MYO3B: variants seen among roughly 807,000 people sequenced by gnomAD.
MYO3B encodes the protein myosin-IIIb.
MYO3B carries 156 observed loss-of-function variants against 174.6 expected under a neutral mutation model. The ratio of observed to expected loss-of-function variants is 0.89; its 90% CI spans 0.78 to 1.02. The LOEUF (loss-of-function observed/expected upper bound fraction) is 1.02. Ranked by LOEUF, MYO3B falls within the 50% of genes least tolerant of loss-of-function variation. MYO3B has a pLI of 0.00. For missense variants in MYO3B, 1,632 were observed against 1,639.4 expected (o/e 1.00, Z 0.08); for synonymous variants, 563 against 569.1 (o/e 0.99, Z 0.15).
At chr2:170,432,722 G>A (rs369899978) in intron 22 of MYO3B, among the ~76,000 whole-genome samples, 228 of 151,984 alleles carry the variant, frequency 1.5e-3, no homozygotes, top group African/African-American at 5.0e-3. Context: ...GACTACAGGC[G>A]CCTGCCACCA....
intron 8 of MYO3B, among the ~76,000 whole-genome samples, chr2:170,353,922 A>G (rs1421362316): frequency 6.6e-6 from 1 of 152,212 alleles, no homozygotes; most frequent in Non-Finnish European, 1.5e-5. Flanking sequence ...CCTCAGCACA[A>G]TAGAATTTAT....
chr2:170,374,758 T>TACAC (rs201921789), intron 9 of MYO3B, among the ~76,000 whole-genome samples: 4,180 of 139,934 alleles, frequency 0.03, 68 homozygotes, highest in Non-Finnish European at 0.037. Flanking sequence ...TATGCATACA[T>TACAC]ACACACACAC....
chr2:170,449,968 T>C (rs1379374289), intron 23 of MYO3B, among the ~76,000 whole-genome samples: 1 of 152,196 alleles, frequency 6.6e-6, no homozygotes, highest in African/African-American at 2.4e-5. Context: ...TATCTGATTA[T>C]AAACTGCCTT....
chr2:170,519,421 C>T lies in MYO3B; in HGVS notation c.3473-17C>T. The T allele has an allele frequency of 7.5e-6, 12 of 1,608,852 alleles. No homozygotes were observed. Among genetic ancestry groups the T allele is most frequent in the Non-Finnish European group, 8.5e-6 (10 of 1,175,806 alleles). ...TACTTCTGAACATATGCTTAGCCCT[C>T]CTTTCTTTTCTCTCAGTTCTCAGGG... On this transcript the variant is annotated splice_polypyrimidine_tract_variant and intron_variant, in intron 29 of 34. Transcript: ENST00000408978.
chr2:170,437,859 C>G (rs2094766683), intron 22 of MYO3B, among the ~76,000 whole-genome samples: 1 of 152,164 alleles, frequency 6.6e-6, no homozygotes, highest in South Asian at 2.1e-4. Context: ...GGAAAACTTC[C>G]TTCAGCACCT....
chr2:170,384,008 C>T (rs1367582324), intron 12 of MYO3B, 194 bp downstream of exon 12: 2 of 521,248 alleles, frequency 3.8e-6, no homozygotes, highest in Non-Finnish European at 3.4e-6. Context: ...TGTGAAAATG[C>T]TTTTCAAGAA....
chr2:170,652,855 C>CTG, intron 34 of MYO3B, 128 bp from the exon 35 acceptor site: 3 of 955,822 alleles, frequency 3.1e-6, no homozygotes, highest in Non-Finnish European at 4.8e-6. Context: ...TACCTAGGAG[C>CTG]TGTCCTTCCC....
intron 32 of MYO3B, among the ~76,000 whole-genome samples, chr2:170,621,892 C>A (rs2160231): frequency 0.78 from 118,846 of 151,966 alleles, 46,657 homozygotes; most frequent in African/African-American, 0.82. Context: ...CATGTATTAC[C>A]ATGTACCTGT....
At chr2:170,556,575 A>G (rs6752808) in intron 32 of MYO3B, among the ~76,000 whole-genome samples, 120,649 of 152,002 alleles carry the variant, frequency 0.79, 48,471 homozygotes, top group African/African-American at 0.87. Context: ...AAGCTGGAGT[A>G]CAATGGCACG....
intron 1 of MYO3B, among the ~76,000 whole-genome samples, chr2:170,198,760 C>T (rs1473661990): frequency 6.6e-6 from 1 of 152,142 alleles, no homozygotes; most frequent in African/African-American, 2.4e-5. Context: ...TGGTAGTACA[C>T]TGATGTTGGG....
intron 32 of MYO3B, among the ~76,000 whole-genome samples, chr2:170,618,661 C>G (rs1261503027): frequency 6.6e-6 from 1 of 152,096 alleles, no homozygotes; most frequent in African/African-American, 2.4e-5. Flanking sequence ...TCACCGCCTT[C>G]TGGTCCCATG....
intron 32 of MYO3B, among the ~76,000 whole-genome samples, chr2:170,641,935 A>C (rs74714252): frequency 0.034 from 5,159 of 150,890 alleles, 292 homozygotes; most frequent in African/African-American, 0.12. Context: ...AAAAAAAAAG[A>C]ATACATATTC....
intron 24 of MYO3B, among the ~76,000 whole-genome samples, chr2:170,465,327 G>C (rs1254795515): frequency 6.6e-6 from 1 of 152,162 alleles, no homozygotes; most frequent in Non-Finnish European, 1.5e-5. Flanking sequence ...GGGAGGAATG[G>C]AGAGAGAACA....
chr2:170,619,812 T>G (rs78990328), intron 32 of MYO3B, among the ~76,000 whole-genome samples: 19,248 of 134,324 alleles, frequency 0.14, 1,450 homozygotes, highest in East Asian at 0.35. Context: ...GGTGGGGTGA[T>G]CTCAGCTCAC....
chr2:170,253,175 A>G (rs1033737879), intron 7 of MYO3B, among the ~76,000 whole-genome samples: 2 of 152,204 alleles, frequency 1.3e-5, no homozygotes, highest in Non-Finnish European at 2.9e-5. Flanking sequence ...GGCTCTTGTC[A>G]TAATTTAAGT....
chr2:170,628,495 T>A (rs1208072296), intron 32 of MYO3B, among the ~76,000 whole-genome samples: 1 of 152,220 alleles, frequency 6.6e-6, no homozygotes, highest in Non-Finnish European at 1.5e-5. Flanking sequence ...TTGTGCTTCC[T>A]GGATGAGGCA....
At chr2:170,450,134 C>T (rs1001479811) in intron 23 of MYO3B, among the ~76,000 whole-genome samples, 14 of 152,182 alleles carry the variant, frequency 9.2e-5, no homozygotes, top group Non-Finnish European at 2.1e-4. Flanking sequence ...TAAATTATAT[C>T]AGAATTATAG....
At chr2:170,248,685 T>C (rs2093218685) in intron 7 of MYO3B, among the ~76,000 whole-genome samples, 1 of 152,202 alleles carries the variant, frequency 6.6e-6, no homozygotes, top group Non-Finnish European at 1.5e-5. Flanking sequence ...ACTGCACCAC[T>C]CTGACACTGT....
chr2:170,569,564 T>C (rs1692298417), intron 32 of MYO3B, among the ~76,000 whole-genome samples: 1 of 149,240 alleles, frequency 6.7e-6, no homozygotes, highest in African/African-American at 2.5e-5. Context: ...TTGTGATCCA[T>C]AGGAAACCGA....
Sources: allele counts gnomAD v4.1 joint callset (sites outside exome capture counted in the v4.1 genomes callset), GRCh38; gene constraint gnomAD v4.1.1; transcripts MANE v1.5; gene names NCBI Gene and HGNC (gene_info 2026-07-23, HGNC 2026-07-21).